PARD3B: variants seen among roughly 807,000 people sequenced by gnomAD.
PARD3B encodes par-3 family cell polarity regulator beta.
In PARD3B, 103 loss-of-function variants were observed where a neutral mutation model predicts 130.2. The ratio of observed to expected loss-of-function variants is 0.79; its 90% CI spans 0.67 to 0.93. The LOEUF (loss-of-function observed/expected upper bound fraction) is 0.93. PARD3B is among the 40% of genes least tolerant of loss of function. The pLI, the probability that PARD3B is intolerant of heterozygous loss-of-function variation, is 0.00. For missense variants in PARD3B, 1,609 were observed against 1,499.2 expected, an observed-to-expected ratio of 1.07 and a Z score of -1.21; for synonymous variants, 583 against 553.2, an observed-to-expected ratio of 1.05 and a Z score of -0.76.
intron 1 of PARD3B, among the ~76,000 whole-genome samples, chr2:204,549,510 A>G (rs1181238633): frequency 1.3e-5 from 2 of 152,200 alleles, no homozygotes; most frequent in Non-Finnish European, 2.9e-5. Flanking sequence ...CACATTAAAC[A>G]TTTTAAACAT....
At position 205,331,759 on chromosome 2, in the gene PARD3B, G is replaced by T. The variant is rs546142376; in HGVS notation, c.2630+30058G>T. Among the ~76,000 whole-genome samples, 3 of 111,666 alleles carry T rather than the reference G, an allele frequency of 2.7e-5. No individual in the cohort carries two copies. In the East Asian group the frequency reaches 7.3e-4, roughly 27 times the overall value. 73.3% of individuals were successfully genotyped at this position (111,666 alleles called of 152,430 possible). ...GAATGAGCCATTCCACTCCAGCCTG[G>T]GCGACAGAGTGAGACTCCGTCTCAA... On this transcript the variant is annotated intron_variant, in intron 18 of 22. Coordinates refer to ENST00000406610, the MANE Select transcript of PARD3B (RefSeq NM_001302769.2).
rs933448523 is a variant in PARD3B, at chr2:205,440,980, C to T, written c.3044+308C>T. ...ACTTTGAACGAATATTGTCCTTTCT[C>T]CTAAGAGACCAATTGTAAAAGATTT... On this transcript the variant is annotated intron_variant, in intron 20 of 22. Transcript: ENST00000406610. This position sits in a 1 kb window ranked among gnomAD's most constrained non-coding sequence, Gnocchi z 4.2. 1.3e-5 allele frequency among the ~76,000 whole-genome samples: 2 copies of T among 152,232 alleles called. No homozygotes were observed. The highest frequency in any genetic ancestry group is 3.9e-4 in the East Asian group (2 of 5,186).
rs137963328 is a variant in PARD3B at position 205,323,055 on chromosome 2, C to T, written c.2630+21354C>T. Reference sequence around the variant, plus strand: ...CCTCCCAAGTAGCTGGGACTACAGGCGCCCACCACCAAGCCCGGCTAATTT... The same window carrying T: ...CCTCCCAAGTAGCTGGGACTACAGGTGCCCACCACCAAGCCCGGCTAATTT... On this transcript the variant is annotated intron_variant, in intron 18 of 22. Transcript: ENST00000406610. Among the ~76,000 whole-genome samples the T allele has an allele frequency of 4.4e-3, 669 of 151,076 alleles. 5 individuals carry two copies. Among genetic ancestry groups the T allele is most frequent in the African/African-American group, 0.015 (614 of 41,246 alleles).
In PARD3B at chr2:205,158,534, C is replaced by A. The variant is rs2034317214; in HGVS notation, c.1435-188C>A. On this transcript the variant is annotated intron_variant, in intron 10 of 22. Transcript: ENST00000406610. This position sits in a 1 kb window ranked among gnomAD's most constrained non-coding sequence, Gnocchi z 5.4. ...GTATTCCCTGAAACCTCTTCCCCTG[C>A]TCCATGGATGTGACTGTGGCTCCTT... 6.6e-6 allele frequency among the ~76,000 whole-genome samples: 1 copy of A among 152,212 alleles called. No individual in the cohort carries two copies.
intron 18 of PARD3B, among the ~76,000 whole-genome samples, chr2:205,348,764 G>C (rs911459033): frequency 6.6e-6 from 1 of 152,124 alleles, no homozygotes; most frequent in Non-Finnish European, 1.5e-5. Context: ...TCATAATACT[G>C]AATCTTGCCT....
chr2:204,875,321 A>T (rs1021026094), intron 2 of PARD3B, among the ~76,000 whole-genome samples: 5 of 152,196 alleles, frequency 3.3e-5, no homozygotes, highest in African/African-American at 9.7e-5. Context: ...CCTAGTAAAC[A>T]GCTCTCTCGG....
At chr2:204,956,516 T>TTG (rs113818336) in intron 2 of PARD3B, among the ~76,000 whole-genome samples, 17,297 of 148,090 alleles carry the variant, frequency 0.12, 1,227 homozygotes, top group African/African-American at 0.21. Context: ...GAAAAACTAC[T>TTG]TGTGTGTGTG....
At chr2:205,255,120 G>C (rs1381095406) in intron 16 of PARD3B, among the ~76,000 whole-genome samples, 1 of 151,842 alleles carries the variant, frequency 6.6e-6, no homozygotes, top group Non-Finnish European at 1.5e-5. Context: ...GCCCTTTTAT[G>C]CCTCGGAGCC....
chr2:204,890,556 C>A lies in PARD3B; in HGVS notation c.223-74596C>A, dbSNP rs997173511. Among the ~76,000 whole-genome samples the A allele has an allele frequency of 6.6e-6, 1 of 152,136 alleles. No individual in the cohort carries two copies. Among genetic ancestry groups the A allele is most frequent in the African/African-American group, 2.4e-5 (1 of 41,430 alleles). On this transcript the variant is annotated intron_variant, in intron 2 of 22. Transcript: ENST00000406610. This position sits in a 1 kb window ranked among gnomAD's most constrained non-coding sequence, Gnocchi z 4.9. The stretch of plus-strand genomic sequence containing the variant: ...GGATTTTCCTTGTTTTGGGTACCAT[C>A]ATTGATTTCCACCTCCCCCCACCAC...
intron 4 of PARD3B, among the ~76,000 whole-genome samples, chr2:205,084,737 T>G (rs939661960): frequency 2.0e-5 from 3 of 152,032 alleles, no homozygotes; most frequent in Non-Finnish European, 2.9e-5. Flanking sequence ...GTTATTGATC[T>G]TAATTGCACT....
intron 4 of PARD3B, among the ~76,000 whole-genome samples, chr2:205,074,602 C>T (rs1700931509): frequency 6.6e-6 from 1 of 152,142 alleles, no homozygotes; most frequent in Admixed American, 6.5e-5. Flanking sequence ...TCTTAGTAAT[C>T]ATGGCTGTCT....
intron 18 of PARD3B, among the ~76,000 whole-genome samples, chr2:205,354,321 G>A (rs976640765): frequency 1.3e-5 from 2 of 151,886 alleles, no homozygotes; most frequent in African/African-American, 2.4e-5. Flanking sequence ...GGAGCAGGAC[G>A]AGCTGCAGAC....
chr2:204,555,864 G>T (rs1204331314), intron 1 of PARD3B, among the ~76,000 whole-genome samples: 1 of 151,918 alleles, frequency 6.6e-6, no homozygotes, highest in African/African-American at 2.4e-5. Context: ...TCTTCTTCAG[G>T]AAGCCTTCCT....
At chr2:204,989,826 A>G (rs1231353890) in intron 3 of PARD3B, among the ~76,000 whole-genome samples, 4 of 152,152 alleles carry the variant, frequency 2.6e-5, no homozygotes, top group African/African-American at 9.7e-5. Flanking sequence ...CCTTTTTTAA[A>G]AAAATGGATA....
rs757121760 is a variant in PARD3B at position 205,301,475 on chromosome 2, G to C, written c.2404G>C (p.Asp802His). 1 of 1,612,026 alleles carries C rather than the reference G, an allele frequency of 6.2e-7. No individual in the cohort carries two copies. The highest frequency in any genetic ancestry group is 8.5e-7 in the Non-Finnish European group (1 of 1,179,464). ...PEEIEADGLS[D>H]KSSHSGQGAL... Reference sequence around the variant, plus strand: ...TTTTCTCTGTACAGACGGTCTGTCTGATAAGAGCTCTCACTCTGGCCAAGG... The same window carrying C: ...TTTTCTCTGTACAGACGGTCTGTCTCATAAGAGCTCTCACTCTGGCCAAGG... Residue 802 changes from aspartate (D) to histidine (H), a missense_variant, in exon 18 of 23, where the codon GAT becomes CAT. Coordinates refer to ENST00000406610, the MANE Select transcript of PARD3B (RefSeq NM_001302769.2). The surrounding 1 kb of genome is among the most constrained non-coding windows in gnomAD (Gnocchi z 5.2).
intron 1 of PARD3B, among the ~76,000 whole-genome samples, chr2:204,591,096 TACTG>T (rs2033055699): frequency 1.3e-5 from 2 of 152,234 alleles, no homozygotes; most frequent in Non-Finnish European, 2.9e-5. Flanking sequence ...ATGTTGCAAT[TACTG>T]TGTATTAATA....
At chr2:205,450,505 G>C (rs907808494) in intron 20 of PARD3B, among the ~76,000 whole-genome samples, 1 of 121,858 alleles carries the variant, frequency 8.2e-6, no homozygotes, top group African/African-American at 3.3e-5. Flanking sequence ...GTGGAGTCTC[G>C]CACTGTTGCC....
Position 205,146,897 on chromosome 2 carries a change from G to T in PARD3B, c.1435-11825G>T, listed in dbSNP as rs1168548447. The stretch of plus-strand genomic sequence containing the variant: ...ACCCGGCTAATTTTTTGTATTTTTA[G>T]TAGGAATGGGGTTTTGCCATGTTGG... On this transcript the variant is annotated intron_variant, in intron 10 of 22. Transcript: ENST00000406610. This position sits in a 1 kb window ranked among gnomAD's most constrained non-coding sequence, Gnocchi z 4.3. Among the ~76,000 whole-genome samples the T allele has an allele frequency of 6.6e-6, 1 of 151,720 alleles. No homozygotes were observed. Among genetic ancestry groups the T allele is most frequent in the Non-Finnish European group, 1.5e-5 (1 of 67,950 alleles).
At chr2:204,840,916 T>G (rs1447741751) in intron 2 of PARD3B, among the ~76,000 whole-genome samples, 2 of 152,152 alleles carry the variant, frequency 1.3e-5, no homozygotes, top group African/African-American at 4.8e-5. Context: ...GGAAAAAACA[T>G]AGTGTATATA....
Sources: allele counts gnomAD v4.1 joint callset (sites outside exome capture counted in the v4.1 genomes callset), GRCh38; gene constraint gnomAD v4.1.1; non-coding constraint Gnocchi (gnomAD v3.1); transcripts MANE v1.5; gene names NCBI Gene and HGNC (gene_info 2026-07-23, HGNC 2026-07-21).